The following ZNF277 variants were observed in gnomAD, a reference collection of about 807,000 sequenced individuals.
ZNF277 encodes nuclear receptor-interacting factor 4.
ZNF277 carries 55 observed loss-of-function variants against 60.7 expected under a neutral mutation model. The observed-to-expected ratio is 0.91, with a 90% CI of 0.73 to 1.13. The LOEUF (loss-of-function observed/expected upper bound fraction) is 1.13, where lower values mean the gene tolerates loss of function less well. ZNF277 is among the 50% of genes most tolerant of loss of function. ZNF277 has a pLI of 0.00. For synonymous variants in ZNF277, 178 were observed against 179.3 expected (o/e 0.99, Z 0.06); for missense variants, 510 against 523.0 (o/e 0.98, Z 0.24).
intron 1 of ZNF277, among the ~76,000 whole-genome samples, chr7:112,240,844 A>C (rs1337809693): frequency 6.6e-6 from 1 of 152,196 alleles, no homozygotes; most frequent in Non-Finnish European, 1.5e-5. Flanking sequence ...ACCATATATA[A>C]AAATCAAATC....
At chr7:112,328,624 A>T (rs561722708) in intron 6 of ZNF277, among the ~76,000 whole-genome samples, 1 of 152,180 alleles carries the variant, frequency 6.6e-6, no homozygotes, top group East Asian at 1.9e-4. Context: ...TAATCCCAGC[A>T]CTTTGGGAGG....
At chr7:112,235,253 T>G (rs1010975100) in intron 1 of ZNF277, among the ~76,000 whole-genome samples, 2 of 152,094 alleles carry the variant, frequency 1.3e-5, no homozygotes, top group African/African-American at 4.8e-5. Flanking sequence ...AGTTTTTGGG[T>G]GGACATGTTT....
intron 1 of ZNF277, among the ~76,000 whole-genome samples, chr7:112,255,053 T>C (rs887666144): frequency 3.3e-5 from 5 of 152,150 alleles, no homozygotes. Context: ...ACTTCAACTA[T>C]AAAAGTGTGT....
intron 5 of ZNF277, among the ~76,000 whole-genome samples, chr7:112,324,978 TTGG>T (rs1302923167): frequency 6.6e-6 from 1 of 152,162 alleles, no homozygotes; most frequent in Non-Finnish European, 1.5e-5. Flanking sequence ...CCTCCCCTCA[TTGG>T]TATGGGCTAT....
chr7:112,281,493 AC>A (rs1791943577), intron 1 of ZNF277, among the ~76,000 whole-genome samples: 1 of 152,254 alleles, frequency 6.6e-6, no homozygotes, highest in Non-Finnish European at 1.5e-5. Context: ...ATTTAATATA[AC>A]ATACTTTTAT....
intron 5 of ZNF277, among the ~76,000 whole-genome samples, chr7:112,318,752 A>G (rs1792907028): frequency 6.6e-6 from 1 of 152,078 alleles, no homozygotes; most frequent in African/African-American, 2.4e-5. Context: ...AAGGTTTTAC[A>G]TATTTAAGGG....
At chr7:112,211,276 T>G (rs1436129486) in intron 1 of ZNF277, among the ~76,000 whole-genome samples, 1 of 152,230 alleles carries the variant, frequency 6.6e-6, no homozygotes, top group Non-Finnish European at 1.5e-5. Flanking sequence ...CATCCTTGAT[T>G]CCTAACTCGC....
chr7:112,307,557 G>T (rs1403636999), intron 4 of ZNF277, among the ~76,000 whole-genome samples: 1 of 151,882 alleles, frequency 6.6e-6, no homozygotes, highest in Non-Finnish European at 1.5e-5. Flanking sequence ...TGGGATTATA[G>T]GCGTGCACCA....
At chr7:112,337,868 AG>A (rs774159568) in intron 9 of ZNF277, 42 bp downstream of exon 9, 3 of 1,525,148 alleles carry the variant, frequency 2.0e-6, no homozygotes, top group Non-Finnish European at 1.8e-6. Flanking sequence ...TTATTCTGAC[AG>A]GGGAAAGCTA....
intron 1 of ZNF277, among the ~76,000 whole-genome samples, chr7:112,262,441 A>G (rs976393211): frequency 2.6e-5 from 4 of 152,096 alleles, no homozygotes; most frequent in Admixed American, 2.0e-4. Flanking sequence ...TTCCTATAGC[A>G]AACAGTATTT....
At chr7:112,342,074 A>G (rs1165061217) in intron 11 of ZNF277, among the ~76,000 whole-genome samples, 1 of 152,142 alleles carries the variant, frequency 6.6e-6, no homozygotes, top group Non-Finnish European at 1.5e-5. Flanking sequence ...ATTATTCTCA[A>G]TTATTTGAAT....
intron 1 of ZNF277, among the ~76,000 whole-genome samples, chr7:112,258,361 A>G (rs1221744372): frequency 1.3e-5 from 2 of 151,332 alleles, no homozygotes; most frequent in Admixed American, 1.3e-4. Flanking sequence ...TTTCAAATAA[A>G]CACTTCTTTT....
At chr7:112,314,997 GT>G (rs1792813160) in intron 4 of ZNF277, among the ~76,000 whole-genome samples, 1 of 152,020 alleles carries the variant, frequency 6.6e-6, no homozygotes, top group South Asian at 2.1e-4. Context: ...TTCATTTACA[GT>G]GAAATTTTGT....
chr7:112,281,192 C>A (rs1448342924), intron 1 of ZNF277, among the ~76,000 whole-genome samples: 1 of 152,170 alleles, frequency 6.6e-6, no homozygotes, highest in Non-Finnish European at 1.5e-5. Context: ...ATCCTCTGAA[C>A]CACTGATTTC....
At chr7:112,271,207 A>T (rs1465498402) in intron 1 of ZNF277, among the ~76,000 whole-genome samples, 1 of 152,172 alleles carries the variant, frequency 6.6e-6, no homozygotes, top group African/African-American at 2.4e-5. Flanking sequence ...CTATTCTTTC[A>T]GAGATACGAG....
chr7:112,279,653 A>G (rs1791896127), intron 1 of ZNF277, among the ~76,000 whole-genome samples: 1 of 152,156 alleles, frequency 6.6e-6, no homozygotes. Context: ...CTTGTGTATA[A>G]CTTTTTACTC....
At chr7:112,323,125 G>A (rs907785502) in intron 5 of ZNF277, among the ~76,000 whole-genome samples, 1 of 152,204 alleles carries the variant, frequency 6.6e-6, no homozygotes, top group Non-Finnish European at 1.5e-5. Context: ...TCCACTTCTT[G>A]CTTGTGTAGA....
chr7:112,297,781 C>A (rs4730522), intron 4 of ZNF277, among the ~76,000 whole-genome samples: 8,719 of 152,162 alleles, frequency 0.057, 307 homozygotes, highest in East Asian at 0.11. Flanking sequence ...CTCACTGTTG[C>A]TAACAGTGGC....
At chr7:112,242,045 A>T (rs1282764492) in intron 1 of ZNF277, among the ~76,000 whole-genome samples, 1 of 152,070 alleles carries the variant, frequency 6.6e-6, no homozygotes, top group African/African-American at 2.4e-5. Flanking sequence ...AGGTGAATGG[A>T]TATCCCATTT....
Sources: allele counts gnomAD v4.1 joint callset (sites outside exome capture counted in the v4.1 genomes callset), GRCh38; gene constraint gnomAD v4.1.1; transcripts MANE v1.5; gene names NCBI Gene and HGNC (gene_info 2026-07-23, HGNC 2026-07-21).